The following UNC5B variants were observed in gnomAD, a reference collection of about 807,000 sequenced individuals.
UNC5B encodes netrin receptor UNC5B.
A neutral mutation model predicts 103.7 loss-of-function variants in UNC5B; 56 were observed. The observed-to-expected ratio is 0.54, with a 90% CI of 0.44 to 0.67. UNC5B has a LOEUF of 0.67. UNC5B is among the 30% of genes least tolerant of loss of function. UNC5B has a pLI of 0.00. For missense variants in UNC5B, 1,194 were observed against 1,284.5 expected, an observed-to-expected ratio of 0.93 and a Z score of 1.08; for synonymous variants, 577 against 542.0, an observed-to-expected ratio of 1.06 and a Z score of -0.90.
intron 1 of UNC5B, among the ~76,000 whole-genome samples, chr10:71,234,294 C>A (rs767840053): frequency 6.6e-6 from 1 of 152,160 alleles, no homozygotes; most frequent in Non-Finnish European, 1.5e-5. Flanking sequence ...TTTGCTGGGG[C>A]CCTCACGGAG....
At chr10:71,265,500 G>A (rs974299609) in intron 1 of UNC5B, among the ~76,000 whole-genome samples, 33 of 152,162 alleles carry the variant, frequency 2.2e-4, no homozygotes, top group Non-Finnish European at 4.1e-4. Context: ...ACTTTTCTCC[G>A]CCGCTTTCTC....
intron 1 of UNC5B, among the ~76,000 whole-genome samples, chr10:71,247,717 A>G (rs567474500): frequency 1.5e-4 from 23 of 152,282 alleles, no homozygotes; most frequent in African/African-American, 5.3e-4. Context: ...GGACCTTTGC[A>G]TGGTTGGGAG....
At chr10:71,276,260 T>C (rs1304183317) in intron 1 of UNC5B, among the ~76,000 whole-genome samples, 1 of 152,112 alleles carries the variant, frequency 6.6e-6, no homozygotes, top group Non-Finnish European at 1.5e-5. Context: ...ATTGAGTTCA[T>C]ATGAACCACT....
At chr10:71,262,024 G>A (rs1373932086) in intron 1 of UNC5B, among the ~76,000 whole-genome samples, 2 of 151,910 alleles carry the variant, frequency 1.3e-5, no homozygotes, top group Admixed American at 6.6e-5. Context: ...GGGGAGGTGG[G>A]AAGATAGTTT....
At chr10:71,221,593 A>G (rs556442249) in intron 1 of UNC5B, among the ~76,000 whole-genome samples, 12 of 152,042 alleles carry the variant, frequency 7.9e-5, no homozygotes, top group African/African-American at 2.7e-4. Context: ...CATGGGCCTG[A>G]CTCTTGAAGA....
chr10:71,224,734 G>A (rs1278909608), intron 1 of UNC5B, among the ~76,000 whole-genome samples: 4 of 152,152 alleles, frequency 2.6e-5, no homozygotes, highest in East Asian at 3.9e-4. Flanking sequence ...GTGAAGGTCG[G>A]TTTTCTTTCC....
At position 71,297,997 on chromosome 10, in the gene UNC5B, T is replaced by C. The variant is rs754158417; in HGVS notation, c.2579T>C (p.Leu860Pro). ...QLGPYAFKIP[L>P]SIRQKICNSL... ...GGACCTTATGCCTTCAAGATCCCAC[T>C]GTCCATCCGCCAGAAGATATGCAAC... is the stretch of plus-strand genomic sequence containing the variant. The change falls in exon 16 of 17, where the codon CTG becomes CCG. Residue 860 changes from leucine (L) to proline (P), a missense_variant. By Grantham distance (98) the Leu-to-Pro change is moderately conservative. Coordinates refer to ENST00000335350, the MANE Select transcript of UNC5B (RefSeq NM_170744.5). 6.2e-7 allele frequency: 1 copy of C among 1,614,020 alleles called. No homozygotes were observed. The highest frequency in any genetic ancestry group is 2.2e-5 in the East Asian group (1 of 44,864).
Position 71,293,578 on chromosome 10 carries a change from G to A in UNC5B, c.1941+5G>A. On this transcript the variant is annotated splice_donor_5th_base_variant and intron_variant, in intron 12 of 16. Transcript: ENST00000335350. Reference sequence around the variant, plus strand: ...GCCCACCAGGGCCACTGGGAGGTGAGGAGCCACGGTGAAGGCTGGCCCAGC... The same window carrying A: ...GCCCACCAGGGCCACTGGGAGGTGAAGAGCCACGGTGAAGGCTGGCCCAGC... The A allele has an allele frequency of 1.2e-6, 2 of 1,613,682 alleles. No homozygotes were observed. Among genetic ancestry groups the A allele is most frequent in the Non-Finnish European group, 1.7e-6 (2 of 1,179,920 alleles).
intron 1 of UNC5B, among the ~76,000 whole-genome samples, chr10:71,266,725 T>C (rs962515779): frequency 1.3e-5 from 2 of 152,198 alleles, no homozygotes; most frequent in African/African-American, 4.8e-5. Flanking sequence ...CTCACTGTTT[T>C]TTCCTGAGAA....
intron 3 of UNC5B, 54 bp downstream of exon 3, chr10:71,284,917 G>T: frequency 6.5e-7 from 1 of 1,533,512 alleles, no homozygotes; most frequent in Non-Finnish European, 8.7e-7. Context: ...CCATCCCTGA[G>T]GATGCTGGAG....
intron 1 of UNC5B, among the ~76,000 whole-genome samples, chr10:71,223,345 G>A (rs1564704974): frequency 6.6e-6 from 1 of 152,170 alleles, no homozygotes; most frequent in African/African-American, 2.4e-5. Flanking sequence ...CCAGCTGTGC[G>A]TGGACCTGCT....
chr10:71,286,750 C>T lies in UNC5B; in HGVS notation c.614C>T (p.Thr205Ile), dbSNP rs761560586. ...DPTQDTNFLL[T>I]IDHNLIIRQA... is the part of the protein sequence containing the mutation. ...ACCCAGGACACCAACTTCCTGCTCA[C>T]CATCGACCACAACCTCATCATCCGC... Residue 205 changes from threonine to isoleucine, a missense_variant, in exon 5 of 17, where the codon ACC (threonine) becomes ATC (isoleucine). Thr to Ile is a moderately conservative substitution (Grantham distance 89). Transcript: ENST00000335350. 10 of 1,614,116 alleles carry T rather than the reference C, an allele frequency of 6.2e-6. No individual in the cohort carries two copies. In the African/African-American group the frequency reaches 1.2e-4, roughly 19 times the overall value.
chr10:71,276,520 G>A (rs61851260), intron 1 of UNC5B, among the ~76,000 whole-genome samples: 2 of 152,196 alleles, frequency 1.3e-5, no homozygotes, highest in Admixed American at 6.5e-5. Flanking sequence ...TGCAACCTCC[G>A]CCTCTCGGGT....
intron 1 of UNC5B, among the ~76,000 whole-genome samples, chr10:71,227,701 CACATAT>C (rs1843600172): frequency 8.7e-6 from 1 of 115,582 alleles, no homozygotes; most frequent in African/African-American, 3.8e-5. Context: ...TATATATACA[CACATAT>C]ACACACACAC....
intron 1 of UNC5B, among the ~76,000 whole-genome samples, chr10:71,276,559 G>A (rs1004968338): frequency 6.6e-6 from 1 of 152,164 alleles, no homozygotes. Context: ...TCAGCCTCCC[G>A]AGTAGCTGGG....
In UNC5B at chr10:71,287,719, C is replaced by G. The variant is rs370545319; in HGVS notation, c.855C>G (p.Cys285Trp). ...NPAPLNGGAF[C>W]EGQAFQKTAC... is the part of the protein sequence containing the mutation. Reference sequence around the variant, plus strand: ...CTCCACTCAACGGAGGGGCCTTCTGCGAGGGCCAGGCATTCCAGAAGACCG... The same window carrying G: ...CTCCACTCAACGGAGGGGCCTTCTGGGAGGGCCAGGCATTCCAGAAGACCG... Residue 285 changes from cysteine to tryptophan, a missense_variant, in exon 6 of 17, where the codon TGC (cysteine) becomes TGG (tryptophan). Physicochemically the swap from Cys to Trp is radical, Grantham distance 215 (BLOSUM62 -2). Transcript: ENST00000335350. The G allele has an allele frequency of 6.2e-7, 1 of 1,612,640 alleles. No individual in the cohort carries two copies. The highest frequency in any genetic ancestry group is 1.7e-5 in the Admixed American group (1 of 59,854).
chr10:71,287,101 C>T (rs906563462), intron 5 of UNC5B, among the ~76,000 whole-genome samples: 17 of 152,228 alleles, frequency 1.1e-4, no homozygotes, highest in African/African-American at 4.1e-4. Flanking sequence ...AGGAGTTCTC[C>T]AAGTCTGGGG....
chr10:71,264,367 T>TA (rs1220456313), intron 1 of UNC5B, among the ~76,000 whole-genome samples: 1 of 152,234 alleles, frequency 6.6e-6, no homozygotes, highest in East Asian at 1.9e-4. Flanking sequence ...TTAACATGTC[T>TA]AATCCATGCT....
chr10:71,280,518 GA>G, intron 2 of UNC5B, among the ~76,000 whole-genome samples: 1 of 152,214 alleles, frequency 6.6e-6, no homozygotes, highest in East Asian at 1.9e-4. Flanking sequence ...AGGTTAAAAA[GA>G]AAAAGTTGAT....
Sources: gnomAD v4.1 joint callset for allele counts (sites outside exome capture counted in the v4.1 genomes callset) on GRCh38, gnomAD v4.1.1 for gene constraint, MANE v1.5 for transcripts, NCBI Gene and HGNC (gene_info 2026-07-23, HGNC 2026-07-21) for gene names.